NAA50: variants seen among roughly 807,000 people sequenced by gnomAD.
The protein encoded by NAA50 is N-alpha-acetyltransferase 50.
Under a neutral mutation model 20.7 loss-of-function variants are expected in NAA50, and 7 were observed. The ratio of observed to expected loss-of-function variants is 0.34; its 90% confidence interval spans 0.19 to 0.63. The LOEUF (loss-of-function observed/expected upper bound fraction) is 0.63, where lower values mean the gene tolerates loss of function less well. Ranked by LOEUF, NAA50 falls within the 30% of genes least tolerant of loss-of-function variation. NAA50 has a pLI of 0.75. For synonymous variants in NAA50, 54 were observed against 70.6 expected (o/e 0.77, Z 1.18); for missense variants, 111 against 199.1 (o/e 0.56, Z 2.66).
At chr3:113,742,323 A>G (rs143226508) in intron 1 of NAA50, among the ~76,000 whole-genome samples, 15 of 152,246 alleles carry the variant, frequency 9.9e-5, no homozygotes, top group African/African-American at 3.6e-4. Context: ...ATATAGTGAC[A>G]AGATCATGGC....
rs922890786 is a variant in NAA50 at position 113,717,272 on chromosome 3, T to G, written c.*4488A>C. On this transcript the variant is annotated 3_prime_UTR_variant, in exon 5 of 5. Transcript: ENST00000240922. Reference sequence around the variant, plus strand: ...TTGCTTGAATCTGGGAGGCGGAGTTTGCAGTGAGCCAAGATCGCGCCACTG... The same window carrying G: ...TTGCTTGAATCTGGGAGGCGGAGTTGGCAGTGAGCCAAGATCGCGCCACTG... 2 of 152,252 alleles carry G rather than the reference T, an allele frequency of 1.3e-5. No homozygotes were observed. The highest frequency in any genetic ancestry group is 1.5e-5 in the Non-Finnish European group (1 of 68,110). 9.4% of individuals were successfully genotyped at this position (152,252 alleles called of 1,614,324 possible). A position where few individuals can be genotyped will look rare whatever the true frequency, so the allele number is the denominator to read the frequency against.
rs1443411808 is a variant in NAA50 at position 113,719,889 on chromosome 3, G to A, written c.*1871C>T. 2.0e-5 allele frequency: 3 copies of A among 152,572 alleles called. No individual in the cohort carries two copies. The highest frequency in any genetic ancestry group is 2.0e-4 in the Admixed American group (3 of 15,262). The allele number at this position is 152,572 out of a possible 1,614,324, so 9.5% of individuals were successfully genotyped here. A position where few individuals can be genotyped will look rare whatever the true frequency, so the allele number is the denominator to read the frequency against. On this transcript the variant is annotated 3_prime_UTR_variant, in exon 5 of 5. Coordinates refer to ENST00000240922, the MANE Select transcript of NAA50 (RefSeq NM_025146.4). Reference sequence around the variant, plus strand: ...TGATATCTGGGAAGTTTACAAAAAGGCTGCTGCATTCTTCAAACTACTTAT... The same window carrying A: ...TGATATCTGGGAAGTTTACAAAAAGACTGCTGCATTCTTCAAACTACTTAT...
chr3:113,730,368 A>G (rs192144321), intron 1 of NAA50, among the ~76,000 whole-genome samples: 26 of 151,518 alleles, frequency 1.7e-4, no homozygotes, highest in Non-Finnish European at 3.4e-4. Flanking sequence ...GCAATTTTCT[A>G]TTTGTACCAA....
intron 1 of NAA50, among the ~76,000 whole-genome samples, chr3:113,731,071 T>A (rs1708265886): frequency 6.6e-6 from 1 of 152,216 alleles, no homozygotes; most frequent in African/African-American, 2.4e-5. Context: ...GTTTTTAATT[T>A]GCATCCCCCT....
chr3:113,734,622 A>G (rs1708315881), intron 1 of NAA50, among the ~76,000 whole-genome samples: 1 of 152,220 alleles, frequency 6.6e-6, no homozygotes, highest in South Asian at 2.1e-4. Context: ...TGAACAAGTA[A>G]AAGGAGGCAA....
Position 113,721,675 on chromosome 3 carries a change from A to G in NAA50, c.*85T>C. 2 of 1,409,556 alleles carry G rather than the reference A, an allele frequency of 1.4e-6. No homozygotes were observed. Among genetic ancestry groups the G allele is most frequent in the Admixed American group, 2.0e-5 (1 of 49,760 alleles). 87.3% of individuals were successfully genotyped at this position (1,409,556 alleles called of 1,614,324 possible). On this transcript the variant is annotated 3_prime_UTR_variant, in exon 5 of 5. Transcript: ENST00000240922. ...CAAGGAGGGAGAAAAGCTTTAAAAG[A>G]AAAGTGTTGGGGTGGGGGAGGAATC...
At chr3:113,744,279 T>C (rs891583584) in intron 1 of NAA50, among the ~76,000 whole-genome samples, 5 of 151,930 alleles carry the variant, frequency 3.3e-5, no homozygotes, top group African/African-American at 4.8e-5. Context: ...CTGGCCAACA[T>C]AGTCAGACCC....
At chr3:113,729,671 T>C (rs1162716694) in intron 1 of NAA50, among the ~76,000 whole-genome samples, 4 of 152,124 alleles carry the variant, frequency 2.6e-5, no homozygotes, top group African/African-American at 7.2e-5. Flanking sequence ...GCCTTCCAAG[T>C]AGCTGAGACC....
intron 1 of NAA50, among the ~76,000 whole-genome samples, chr3:113,730,527 CA>C (rs1371694191): frequency 6.6e-6 from 1 of 151,738 alleles, no homozygotes; most frequent in Non-Finnish European, 1.5e-5. Context: ...TGAGTTTTTA[CA>C]AATACATATA....
intron 1 of NAA50, among the ~76,000 whole-genome samples, chr3:113,729,255 G>C (rs1708240047): frequency 6.6e-6 from 1 of 152,114 alleles, no homozygotes; most frequent in Non-Finnish European, 1.5e-5. Context: ...CTCCCAAAGT[G>C]TTGGGATTAT....
At position 113,724,034 on chromosome 3, in the gene NAA50, G is replaced by GATTC; in HGVS notation, c.66_69dup (p.Gln24GlufsTer11). ...TTGTAGCTGACTGGAAAGATGACCT[G>GATTC]ATTCAATCTTTTCAACTGTTTAATA... is the stretch of plus-strand genomic sequence containing the variant. On this transcript the variant is annotated frameshift_variant, in exon 2 of 5. Coordinates refer to ENST00000240922, the MANE Select transcript of NAA50 (RefSeq NM_025146.4). LOFTEE classifies it high-confidence loss of function. The GATTC allele has an allele frequency of 6.2e-7, 1 of 1,611,324 alleles. No individual in the cohort carries two copies. The highest frequency in any genetic ancestry group is 8.5e-7 in the Non-Finnish European group (1 of 1,178,802).
At chr3:113,726,743 CAA>C (rs537817145) in intron 1 of NAA50, among the ~76,000 whole-genome samples, 19 of 105,774 alleles carry the variant, frequency 1.8e-4, no homozygotes, top group Non-Finnish European at 1.6e-4. Context: ...GACTCCGCCT[CAA>C]AAAAAAAAAA....
chr3:113,724,004 T>C lies in NAA50; in HGVS notation c.100A>G (p.Lys34Glu). 1 of 1,611,098 alleles carries C rather than the reference T, an allele frequency of 6.2e-7. No homozygotes were observed. The highest frequency in any genetic ancestry group is 8.5e-7 in the Non-Finnish European group (1 of 1,178,720). Reference sequence around the variant, plus strand: ...ACCTCCAGCACATCCTTGTAGAACTTGTCATTGTAGCTGACTGGAAAGATG... The same window carrying C: ...ACCTCCAGCACATCCTTGTAGAACTCGTCATTGTAGCTGACTGGAAAGATG... ...QVIFPVSYND[K>E]FYKDVLEVGE... is the part of the protein sequence containing the mutation. Residue 34 changes from lysine to glutamate, a missense_variant, in exon 2 of 5, where the codon AAG (lysine) becomes GAG (glutamate). Coordinates refer to ENST00000240922, the MANE Select transcript of NAA50 (RefSeq NM_025146.4).
chr3:113,744,411 C>T (rs1210362310), intron 1 of NAA50, among the ~76,000 whole-genome samples: 1 of 151,532 alleles, frequency 6.6e-6, no homozygotes, highest in Non-Finnish European at 1.5e-5. Flanking sequence ...TTGCAGTGGG[C>T]CGAGATAGCG....
At chr3:113,741,295 A>C in intron 1 of NAA50, 1 of 356,740 alleles carries the variant, frequency 2.8e-6, no homozygotes, top group Non-Finnish European at 5.5e-6. Flanking sequence ...ACCACAAGGT[A>C]CATTTCAACT....
chr3:113,745,851 ATCTC>A, intron 1 of NAA50, 87 bp downstream of exon 1: 1 of 1,423,146 alleles, frequency 7.0e-7, no homozygotes, highest in Non-Finnish European at 9.5e-7. Context: ...TTCGCCCTGA[ATCTC>A]TCCTCGCCTT....
At chr3:113,743,160 T>G (rs374363961) in intron 1 of NAA50, among the ~76,000 whole-genome samples, 9 of 152,184 alleles carry the variant, frequency 5.9e-5, no homozygotes, top group African/African-American at 2.2e-4. Flanking sequence ...AAAGTCCTAC[T>G]GCTACTACTA....
At chr3:113,739,163 GAC>G (rs1445866783) in intron 1 of NAA50, among the ~76,000 whole-genome samples, 1 of 152,172 alleles carries the variant, frequency 6.6e-6, no homozygotes, top group Non-Finnish European at 1.5e-5. Flanking sequence ...TTTACTCAAA[GAC>G]AACTTGTAAG....
Position 113,728,339 on chromosome 3 carries a change from T to C in NAA50, c.9-4244A>G, listed in dbSNP as rs374049006. Among the ~76,000 whole-genome samples, 11 of 152,224 alleles carry C rather than the reference T, an allele frequency of 7.2e-5. No individual in the cohort carries two copies. The East Asian group carries it at 1.9e-3, about 27-fold the overall frequency. On this transcript the variant is annotated intron_variant, in intron 1 of 4. Coordinates refer to ENST00000240922, the MANE Select transcript of NAA50 (RefSeq NM_025146.4). Reference sequence around the variant, plus strand: ...ATATTTCAATAAATATTTGAGTATCTATGTGTTATGCATCTGGAATGCAAA... The same window carrying C: ...ATATTTCAATAAATATTTGAGTATCCATGTGTTATGCATCTGGAATGCAAA...
Sources: allele counts gnomAD v4.1 joint callset (sites outside exome capture counted in the v4.1 genomes callset), GRCh38; gene constraint gnomAD v4.1.1; transcripts MANE v1.5; gene names NCBI Gene and HGNC (gene_info 2026-07-23, HGNC 2026-07-21).